The following MARS1 variants were observed in gnomAD, a reference collection of about 807,000 sequenced individuals.
MARS1 encodes the protein methionyl-tRNA synthetase 1.
A neutral mutation model predicts 119.5 loss-of-function variants in MARS1; 80 were observed. The ratio of observed to expected loss-of-function variants is 0.67; its 90% CI spans 0.56 to 0.81. The LOEUF is 0.81. MARS1 is among the 30% of genes least tolerant of loss of function. The probability of loss-of-function intolerance (pLI) is 0.00; values close to 1 mark genes in which losing one functional copy is unlikely to be tolerated. For missense variants in MARS1, 945 were observed against 1,116.5 expected (o/e 0.85, Z 2.19); for synonymous variants, 418 against 433.4 (o/e 0.96, Z 0.44).
chr12:57,515,790 G>C (rs1000218817), intron 18 of MARS1, 130 bp from the exon 19 acceptor site: 91 of 715,660 alleles, frequency 1.3e-4, no homozygotes, highest in African/African-American at 1.1e-3. Flanking sequence ...AAAATCAGCA[G>C]ATATTAGCTC....
At chr12:57,508,410 G>C (rs918135489) in intron 11 of MARS1, among the ~76,000 whole-genome samples, 2 of 152,266 alleles carry the variant, frequency 1.3e-5, no homozygotes, top group African/African-American at 2.4e-5. Flanking sequence ...TGCAATCCCG[G>C]CACCTCGGGA....
intron 9 of MARS1, 63 bp downstream of exon 9, chr12:57,498,686 A>G (rs376182439): frequency 1.3e-6 from 2 of 1,518,910 alleles, no homozygotes; most frequent in Non-Finnish European, 9.1e-7. Flanking sequence ...CAGTGGGAGT[A>G]TCTTGGAGAC....
chr12:57,490,450 C>T, intron 6 of MARS1, 71 bp downstream of exon 6: 1 of 1,610,336 alleles, frequency 6.2e-7, no homozygotes, highest in Non-Finnish European at 8.5e-7. Context: ...AGCATGGCCA[C>T]TAACTTTTTC....
At position 57,489,334 on chromosome 12, in the gene MARS1, A is replaced by G; in HGVS notation, c.268A>G (p.Thr90Ala). The G allele has an allele frequency of 6.2e-7, 1 of 1,613,978 alleles. No homozygotes were observed. Among genetic ancestry groups the G allele is most frequent in the South Asian group, 1.1e-5 (1 of 91,076 alleles). ...LTNQWLEWEA[T>A]ELQPALSAAL... The stretch of plus-strand genomic sequence containing the variant: ...TAACCAGTGGCTGGAATGGGAAGCG[A>G]CAGAGCTGCAGGTAGGACTAAGGTA... Residue 90 changes from threonine (T) to alanine (A), a missense_variant, in exon 3 of 21, where the codon ACA (threonine) becomes GCA (alanine). Transcript: ENST00000262027.
intron 10 of MARS1, 126 bp downstream of exon 10, chr12:57,500,648 C>G (rs982798427): frequency 6.2e-6 from 5 of 812,546 alleles, no homozygotes; most frequent in Non-Finnish European, 9.8e-6. Flanking sequence ...CCTTTCTGCC[C>G]CATCTCAGCA....
At chr12:57,510,817 C>T (rs1245980283) in intron 11 of MARS1, among the ~76,000 whole-genome samples, 1 of 151,750 alleles carries the variant, frequency 6.6e-6, no homozygotes, top group African/African-American at 2.4e-5. Flanking sequence ...CCTGTAATTC[C>T]AACTTCCAAC....
intron 7 of MARS1, among the ~76,000 whole-genome samples, chr12:57,496,019 CAG>C (rs941992898): frequency 2.4e-4 from 36 of 152,204 alleles, no homozygotes; most frequent in South Asian, 6.2e-4. Context: ...AAGTCGGAGA[CAG>C]GGAGAGGGAG....
chr12:57,488,340 C>G, intron 1 of MARS1, 141 bp downstream of exon 1: 4 of 796,600 alleles, frequency 5.0e-6, no homozygotes, highest in Non-Finnish European at 2.0e-6. Context: ...TTGATCACTC[C>G]ACGCCTTCTT....
chr12:57,502,577 G>A (rs112404047), intron 10 of MARS1, among the ~76,000 whole-genome samples: 171 of 151,740 alleles, frequency 1.1e-3, no homozygotes, highest in Middle Eastern at 3.4e-3. Flanking sequence ...GTGGTGGTGC[G>A]TGCCTGTAAT....
intron 11 of MARS1, among the ~76,000 whole-genome samples, chr12:57,505,549 G>T (rs1367582461): frequency 1.3e-5 from 2 of 152,242 alleles, no homozygotes; most frequent in Non-Finnish European, 1.5e-5. Flanking sequence ...GGCTTATCAT[G>T]CCTGTAATCC....
chr12:57,488,264 G>A, intron 1 of MARS1, 65 bp downstream of exon 1: 2 of 1,488,834 alleles, frequency 1.3e-6, no homozygotes, highest in Admixed American at 3.4e-5. Flanking sequence ...CAGATTCTCT[G>A]CAGCTGTCTT....
At position 57,496,398 on chromosome 12, in the gene MARS1, C is replaced by T. The variant is rs1876636052; in HGVS notation, c.771-1759C>T. On this transcript the variant is annotated intron_variant, in intron 7 of 20. Coordinates refer to ENST00000262027, the MANE Select transcript of MARS1 (RefSeq NM_004990.4). The stretch of plus-strand genomic sequence containing the variant: ...CCAGGCTGGTCTTGAGCTCCGACCT[C>T]GTGATCCGCCTGCCTGAGCCTCCCA... Among the ~76,000 whole-genome samples the T allele has an allele frequency of 2.6e-5, 4 of 151,858 alleles. No homozygotes were observed. The South Asian group carries it at 6.2e-4, about 24-fold the overall frequency.
intron 15 of MARS1, 146 bp from the exon 16 acceptor site, chr12:57,514,574 T>A (rs1237845401): frequency 4.4e-6 from 4 of 900,156 alleles, no homozygotes; most frequent in Non-Finnish European, 7.2e-6. Context: ...CCTTGTCTAC[T>A]AGCTTGAGGG....
chr12:57,503,420 A>G (rs528829550), intron 10 of MARS1, among the ~76,000 whole-genome samples: 5 of 151,974 alleles, frequency 3.3e-5, no homozygotes, highest in African/African-American at 1.2e-4. Flanking sequence ...TTTAGTAGAG[A>G]CGAGGTTTCA....
chr12:57,488,083 A>T lies in MARS1; in HGVS notation c.-8A>T, dbSNP rs1462677291. ...TTCCGGTTGCATCAGCGAGGGATTC[A>T]CGGCGAAATGAGACTGTTCGTGAGT... On this transcript the variant is annotated 5_prime_UTR_variant, in exon 1 of 21. Coordinates refer to ENST00000262027, the MANE Select transcript of MARS1 (RefSeq NM_004990.4). 1 of 1,612,912 alleles carries T rather than the reference A, an allele frequency of 6.2e-7. No homozygotes were observed. The highest frequency in any genetic ancestry group is 1.3e-5 in the African/African-American group (1 of 74,878).
intron 15 of MARS1, 95 bp downstream of exon 15, chr12:57,513,059 C>G (rs1877602674): frequency 4.8e-6 from 5 of 1,043,004 alleles, no homozygotes; most frequent in African/African-American, 4.7e-5. Flanking sequence ...AGAAAATGGG[C>G]AGGAGGCTGT....
intron 7 of MARS1, among the ~76,000 whole-genome samples, chr12:57,490,893 T>C (rs1875912664): frequency 1.5e-5 from 2 of 137,886 alleles, no homozygotes; most frequent in African/African-American, 5.6e-5. Context: ...TTTTTTTTTT[T>C]GAGGCGGAGT....
intron 11 of MARS1, among the ~76,000 whole-genome samples, chr12:57,505,126 G>C (rs1877121241): frequency 6.6e-6 from 1 of 152,002 alleles, no homozygotes; most frequent in Non-Finnish European, 1.5e-5. Flanking sequence ...TGGGATTAGA[G>C]GCATGAGCAA....
intron 7 of MARS1, among the ~76,000 whole-genome samples, chr12:57,492,687 A>T (rs963390270): frequency 6.2e-4 from 64 of 103,532 alleles, no homozygotes; most frequent in African/African-American, 2.5e-3. Context: ...ACACACACAC[A>T]CACACACACA....
Sources: gnomAD v4.1 joint callset for allele counts (sites outside exome capture counted in the v4.1 genomes callset) on GRCh38, gnomAD v4.1.1 for gene constraint, MANE v1.5 for transcripts, NCBI Gene and HGNC (gene_info 2026-07-23, HGNC 2026-07-21) for gene names.